The following KCNC2 variants were observed in gnomAD, a reference collection of about 807,000 sequenced individuals.
KCNC2 encodes potassium voltage-gated channel subfamily C member 2.
A neutral mutation model predicts 44.5 loss-of-function variants in KCNC2; 21 were observed. That is an observed-to-expected ratio of 0.47 (90% CI 0.33 to 0.68). The LOEUF is 0.68. Ranked by LOEUF, KCNC2 falls within the 30% of genes least tolerant of loss-of-function variation. The probability of loss-of-function intolerance (pLI) is 0.01; values close to 1 mark genes in which losing one functional copy is unlikely to be tolerated. For missense variants in KCNC2, 589 were observed against 826.2 expected (o/e 0.71, Z 3.52); for synonymous variants, 391 against 339.1 (o/e 1.15, Z -1.68).
At chr12:75,208,590 T>G in intron 1 of KCNC2, among the ~76,000 whole-genome samples, 1 of 125,778 alleles carries the variant, frequency 8.0e-6, no homozygotes, top group East Asian at 2.9e-4. Context: ...CCCCACCCTG[T>G]GAAGAGCCCG....
chr12:75,064,408 G>A (rs944565663), intron 2 of KCNC2, among the ~76,000 whole-genome samples: 3 of 151,904 alleles, frequency 2.0e-5, no homozygotes, highest in African/African-American at 4.8e-5. Flanking sequence ...TTAATACAGT[G>A]TTCTAATTTT....
At chr12:75,151,031 T>G (rs561702198) in intron 2 of KCNC2, among the ~76,000 whole-genome samples, 4 of 152,034 alleles carry the variant, frequency 2.6e-5, no homozygotes, top group African/African-American at 9.6e-5. Context: ...ATATCAAAAA[T>G]GATTTTTATC....
At chr12:75,077,093 T>A (rs1884056521) in intron 2 of KCNC2, among the ~76,000 whole-genome samples, 1 of 152,144 alleles carries the variant, frequency 6.6e-6, no homozygotes, top group Admixed American at 6.5e-5. Context: ...ATTCAACATC[T>A]CACATAGTTG....
In KCNC2 at chr12:75,187,736, T is replaced by C. The variant is rs184432776; in HGVS notation, c.687+19561A>G. On this transcript the variant is annotated intron_variant, in intron 2 of 4. Coordinates refer to ENST00000549446, the MANE Select transcript of KCNC2 (RefSeq NM_139137.4). ...TCTGAAAATATCACAAGTCACACCA[T>C]AAATATAATAACCCGACGACTATAA... Among the ~76,000 whole-genome samples the C allele has an allele frequency of 1.0e-3, 156 of 152,216 alleles. 1 individual carries two copies. The highest frequency in any genetic ancestry group is 1.9e-3 in the Non-Finnish European group (127 of 68,012).
chr12:75,134,829 A>G (rs1889113579), intron 2 of KCNC2, among the ~76,000 whole-genome samples: 1 of 151,976 alleles, frequency 6.6e-6, no homozygotes, highest in African/African-American at 2.4e-5. Context: ...TAATAAAATC[A>G]TATTTGTTTT....
intron 2 of KCNC2, among the ~76,000 whole-genome samples, chr12:75,064,726 C>T (rs1180098224): frequency 6.6e-6 from 1 of 151,976 alleles, no homozygotes; most frequent in Non-Finnish European, 1.5e-5. Flanking sequence ...AGTCATTATG[C>T]TAAAAAAGGT....
chr12:75,197,581 G>A (rs2030883808), intron 2 of KCNC2, among the ~76,000 whole-genome samples: 1 of 151,994 alleles, frequency 6.6e-6, no homozygotes, highest in South Asian at 2.1e-4. Context: ...GCGAAGGCAA[G>A]TGCTAAATTT....
chr12:75,112,591 C>A (rs1291998391), intron 2 of KCNC2, among the ~76,000 whole-genome samples: 2 of 151,930 alleles, frequency 1.3e-5, no homozygotes, highest in South Asian at 2.1e-4. Context: ...TCATAAGCTG[C>A]ACATTTCTAC....
intron 2 of KCNC2, among the ~76,000 whole-genome samples, chr12:75,052,391 G>T (rs1175734476): frequency 1.3e-5 from 2 of 152,194 alleles, no homozygotes; most frequent in East Asian, 1.9e-4. Flanking sequence ...ATTTATTTAT[G>T]CTGGGATCAC....
chr12:75,048,181 C>T lies in KCNC2; in HGVS notation c.1752G>A (p.Thr584=), dbSNP rs1484654821. ...TCFLLTTGDY[T]CASDGGIRKG... ...TCCTGATCCCTCCATCAGAAGCACACGTGTAATCACCTGTCGTCAGTAGGA... is the reference window on the plus strand; with the variant it reads ...TCCTGATCCCTCCATCAGAAGCACATGTGTAATCACCTGTCGTCAGTAGGA... Residue 584 remains threonine, a synonymous_variant, in exon 4 of 5, where the codon ACG becomes ACA. Coordinates refer to ENST00000549446, the MANE Select transcript of KCNC2 (RefSeq NM_139137.4). The T allele has an allele frequency of 2.5e-6, 4 of 1,612,962 alleles. No homozygotes were observed. The highest frequency in any genetic ancestry group is 3.3e-5 in the Admixed American group (2 of 59,952).
rs898556467 is a variant in KCNC2, at chr12:75,203,357, G to A, written c.687+3940C>T. On this transcript the variant is annotated intron_variant, in intron 2 of 4. Coordinates refer to ENST00000549446, the MANE Select transcript of KCNC2 (RefSeq NM_139137.4). The stretch of plus-strand genomic sequence containing the variant: ...AAATTTCCATTTTAATGGCTTCTAC[G>A]GAGTACGTTTTGGTAATGCTGTAGA... Among the ~76,000 whole-genome samples, 17 of 151,714 alleles carry A rather than the reference G, an allele frequency of 1.1e-4. No individual in the cohort carries two copies. The South Asian group carries it at 2.7e-3, about 24-fold the overall frequency.
intron 2 of KCNC2, among the ~76,000 whole-genome samples, chr12:75,174,587 A>T (rs1006721658): frequency 6.6e-6 from 1 of 151,892 alleles, no homozygotes; most frequent in African/African-American, 2.4e-5. Flanking sequence ...TAGAGCACAT[A>T]TTGTCTCTGA....
intron 2 of KCNC2, among the ~76,000 whole-genome samples, chr12:75,199,981 T>C (rs1565691568): frequency 6.6e-6 from 1 of 151,788 alleles, no homozygotes; most frequent in Non-Finnish European, 1.5e-5. Flanking sequence ...AGCAGGCTAT[T>C]TTTAAGGCTT....
chr12:75,085,542 G>A (rs1172977874), intron 2 of KCNC2, among the ~76,000 whole-genome samples: 1 of 152,026 alleles, frequency 6.6e-6, no homozygotes, highest in East Asian at 1.9e-4. Flanking sequence ...CCTACAATTA[G>A]GAAGCGGCAG....
At chr12:75,104,169 G>C (rs935123769) in intron 2 of KCNC2, among the ~76,000 whole-genome samples, 1 of 152,110 alleles carries the variant, frequency 6.6e-6, no homozygotes, top group Non-Finnish European at 1.5e-5. Context: ...GTCAGAAGGA[G>C]GATCAACTGC....
chr12:75,131,635 G>C (rs776770911), intron 2 of KCNC2, among the ~76,000 whole-genome samples: 1 of 152,094 alleles, frequency 6.6e-6, no homozygotes, highest in Non-Finnish European at 1.5e-5. Flanking sequence ...AAAATTCAAA[G>C]GATGAGAAGA....
At chr12:75,161,924 A>G (rs1370471891) in intron 2 of KCNC2, among the ~76,000 whole-genome samples, 1 of 151,812 alleles carries the variant, frequency 6.6e-6, no homozygotes. Context: ...TCTCAGTAAC[A>G]TAACTGAAAG....
At position 75,042,303 on chromosome 12, in the gene KCNC2, C is replaced by A; in HGVS notation, c.*802G>T. On this transcript the variant is annotated 3_prime_UTR_variant, in exon 5 of 5. Transcript: ENST00000549446. The stretch of plus-strand genomic sequence containing the variant: ...ACCTTTCTCTCATGTTTTGTGCCTT[C>A]CCCAAGTCATTAAGTAAGAGATCTG... 2 of 1,610,976 alleles carry A rather than the reference C, an allele frequency of 1.2e-6. No homozygotes were observed. The highest frequency in any genetic ancestry group is 2.2e-5 in the South Asian group (2 of 90,922).
intron 2 of KCNC2, among the ~76,000 whole-genome samples, chr12:75,197,134 A>G (rs2030839458): frequency 6.6e-6 from 1 of 152,038 alleles, no homozygotes; most frequent in South Asian, 2.1e-4. Context: ...TCATAGGCAC[A>G]TTCAAATTTG....
Sources: gnomAD v4.1 joint callset for allele counts (sites outside exome capture counted in the v4.1 genomes callset) on GRCh38, gnomAD v4.1.1 for gene constraint, MANE v1.5 for transcripts, NCBI Gene and HGNC (gene_info 2026-07-23, HGNC 2026-07-21) for gene names.